IMPG1: variants seen among roughly 807,000 people sequenced by gnomAD.
IMPG1 encodes the protein interphotoreceptor matrix proteoglycan 1, also known as interphotoreceptor matrix proteoglycan of 150 kDa.
IMPG1 carries 85 observed loss-of-function variants against 92.0 expected under a neutral mutation model. That is an observed-to-expected ratio of 0.92 (90% CI 0.78 to 1.11). The LOEUF is 1.11. IMPG1 is among the 50% of genes least tolerant of loss of function. IMPG1 has a pLI of 0.00. For synonymous variants in IMPG1, 367 were observed against 334.1 expected (o/e 1.10, Z -1.08); for missense variants, 1,022 against 956.0 (o/e 1.07, Z -0.91).
At chr6:75,980,618 T>C (rs560487289) in intron 12 of IMPG1, among the ~76,000 whole-genome samples, 6 of 152,322 alleles carry the variant, frequency 3.9e-5, no homozygotes, top group African/African-American at 1.4e-4. Context: ...TGCTGGGTGC[T>C]TTCTGCCCTT....
chr6:76,023,284 G>A (rs920002853), intron 5 of IMPG1, among the ~76,000 whole-genome samples: 8 of 152,156 alleles, frequency 5.3e-5, no homozygotes, highest in African/African-American at 1.9e-4. Context: ...GGTGTTCTGT[G>A]CTCTGGACTT....
At chr6:76,024,581 A>C (rs187763972) in intron 5 of IMPG1, among the ~76,000 whole-genome samples, 1 of 152,286 alleles carries the variant, frequency 6.6e-6, no homozygotes, top group Non-Finnish European at 1.5e-5. Context: ...TGGGATATTT[A>C]AATTGTAACA....
chr6:75,990,868 A>G (rs1782803063), intron 12 of IMPG1, among the ~76,000 whole-genome samples: 1 of 152,116 alleles, frequency 6.6e-6, no homozygotes, highest in South Asian at 2.1e-4. Context: ...ATGCCCCCCA[A>G]TCCATTACAG....
chr6:76,008,044 A>C (rs2149478696), intron 8 of IMPG1, among the ~76,000 whole-genome samples: 1 of 152,330 alleles, frequency 6.6e-6, no homozygotes, highest in Non-Finnish European at 1.5e-5. Flanking sequence ...CCAATTCACC[A>C]TGGGACAGCT....
chr6:75,959,290 T>TGAGGTGTCTGTCGACCCCTGCTGG (rs1479171456), intron 12 of IMPG1, among the ~76,000 whole-genome samples: 2 of 152,108 alleles, frequency 1.3e-5, no homozygotes, highest in Non-Finnish European at 2.9e-5. Flanking sequence ...CTCTCCTGTA[T>TGAGGTGTCTGTCGACCCCTGCTGG]GAGGTGTCTG....
intron 12 of IMPG1, among the ~76,000 whole-genome samples, chr6:75,957,906 T>C (rs1328832886): frequency 6.6e-6 from 1 of 152,230 alleles, no homozygotes; most frequent in African/African-American, 2.4e-5. Flanking sequence ...CCTGTTTACA[T>C]TTAAGGTTAA....
chr6:76,023,920 A>G (rs4708206), intron 5 of IMPG1, among the ~76,000 whole-genome samples: 50,821 of 152,012 alleles, frequency 0.33, 8,786 homozygotes, highest in East Asian at 0.49. Flanking sequence ...TTCCCATATT[A>G]AAATGAAGTC....
chr6:76,030,060 T>G (rs988290489), intron 4 of IMPG1, among the ~76,000 whole-genome samples: 25 of 152,212 alleles, frequency 1.6e-4, no homozygotes, highest in African/African-American at 5.8e-4. Flanking sequence ...GCATGGCTGA[T>G]TCCTGTCGAT....
At chr6:76,023,705 T>C (rs1234812091) in intron 5 of IMPG1, among the ~76,000 whole-genome samples, 1 of 152,172 alleles carries the variant, frequency 6.6e-6, no homozygotes, top group Non-Finnish European at 1.5e-5. Flanking sequence ...TATATCATAT[T>C]ATATTATAAT....
chr6:76,027,990 G>A (rs76838214), intron 4 of IMPG1, among the ~76,000 whole-genome samples: 1,942 of 152,288 alleles, frequency 0.013, 43 homozygotes, highest in African/African-American at 0.044. Context: ...AAAGAGGTAA[G>A]CAGGATTATT....
At position 76,003,210 on chromosome 6, in the gene IMPG1, C is replaced by T. The variant is rs1057152859; in HGVS notation, c.1213-214G>A. Among the ~76,000 whole-genome samples, 6 of 152,218 alleles carry T rather than the reference C, an allele frequency of 3.9e-5. No individual in the cohort carries two copies. The East Asian group carries it at 9.6e-4, about 24-fold the overall frequency. On this transcript the variant is annotated intron_variant, in intron 11 of 16. Transcript: ENST00000369950. Reference sequence around the variant, plus strand: ...TGGTAAAATAAGATCTATTGCTTCTCGGATAACTGAATCTGCCTGAATAGA... The same window carrying T: ...TGGTAAAATAAGATCTATTGCTTCTTGGATAACTGAATCTGCCTGAATAGA...
At chr6:76,030,145 A>C (rs932734814) in intron 4 of IMPG1, among the ~76,000 whole-genome samples, 1 of 152,184 alleles carries the variant, frequency 6.6e-6, no homozygotes, top group Non-Finnish European at 1.5e-5. Context: ...GGTCTAGGGA[A>C]TTCCAAGGCT....
At chr6:76,014,311 C>T (rs1410717840) in intron 7 of IMPG1, among the ~76,000 whole-genome samples, 1 of 152,190 alleles carries the variant, frequency 6.6e-6, no homozygotes, top group Non-Finnish European at 1.5e-5. Context: ...AAGAGCAGAG[C>T]AAGTCTTTAG....
intron 12 of IMPG1, among the ~76,000 whole-genome samples, chr6:75,961,064 G>A (rs1292909286): frequency 2.0e-5 from 3 of 152,184 alleles, no homozygotes; most frequent in African/African-American, 4.8e-5. Flanking sequence ...CCCAAAGTGA[G>A]GTATGTGGGT....
At chr6:75,984,945 C>A (rs1782688885) in intron 12 of IMPG1, among the ~76,000 whole-genome samples, 1 of 152,144 alleles carries the variant, frequency 6.6e-6, no homozygotes, top group South Asian at 2.1e-4. Flanking sequence ...GAAGCCAAGC[C>A]AATGTTGGTG....
At chr6:76,068,510 C>CA (rs1784349385) in intron 1 of IMPG1, among the ~76,000 whole-genome samples, 1 of 110,194 alleles carries the variant, frequency 9.1e-6, no homozygotes, top group Non-Finnish European at 1.8e-5. Context: ...AATGTCCATA[C>CA]TTTTTTTTTT....
intron 3 of IMPG1, 131 bp from the exon 4 acceptor site, chr6:76,034,474 T>C (rs1364009722): frequency 8.2e-7 from 1 of 1,218,482 alleles, no homozygotes; most frequent in Non-Finnish European, 1.2e-6. Context: ...TTTGCAAGAA[T>C]AAAATTTCTA....
At chr6:75,996,362 A>T (rs1205659101) in intron 12 of IMPG1, among the ~76,000 whole-genome samples, 2 of 152,222 alleles carry the variant, frequency 1.3e-5, no homozygotes, top group Admixed American at 6.5e-5. Flanking sequence ...TTATCTGAAT[A>T]TGTACCTGTA....
chr6:76,060,530 C>T (rs1478606417), intron 1 of IMPG1, among the ~76,000 whole-genome samples: 2 of 152,152 alleles, frequency 1.3e-5, no homozygotes, highest in East Asian at 3.9e-4. Context: ...AGTGCACCCT[C>T]CTCCTTTATT....
Sources: gnomAD v4.1 joint callset for allele counts (sites outside exome capture counted in the v4.1 genomes callset) on GRCh38, gnomAD v4.1.1 for gene constraint, MANE v1.5 for transcripts, NCBI Gene and HGNC (gene_info 2026-07-23, HGNC 2026-07-21) for gene names.